The following DAB1 variants were observed in gnomAD, a reference collection of about 807,000 sequenced individuals.
DAB1 encodes the protein DAB adaptor protein 1.
Under a neutral mutation model 64.6 loss-of-function variants are expected in DAB1, and 15 were observed. The ratio of observed to expected loss-of-function variants is 0.23; its 90% CI spans 0.16 to 0.36. DAB1 has a LOEUF of 0.36. Ranked by LOEUF, DAB1 falls within the 10% of genes least tolerant of loss-of-function variation. The pLI, the probability that DAB1 is intolerant of heterozygous loss-of-function variation, is 1.00. For synonymous variants in DAB1, 235 were observed against 251.9 expected (o/e 0.93, Z 0.64); for missense variants, 596 against 706.7 (o/e 0.84, Z 1.78).
intron 4 of DAB1, among the ~76,000 whole-genome samples, chr1:58,308,990 T>C (rs1276845407): frequency 6.6e-6 from 1 of 152,170 alleles, no homozygotes; most frequent in Non-Finnish European, 1.5e-5. Flanking sequence ...AAGGATCTTG[T>C]GGTCCAATGA....
chr1:58,103,375 G>A (rs907613228), intron 5 of DAB1, among the ~76,000 whole-genome samples: 18 of 152,088 alleles, frequency 1.2e-4, no homozygotes, highest in African/African-American at 4.1e-4. Flanking sequence ...GGTTTTGTGG[G>A]CCATATACTC....
intron 5 of DAB1, among the ~76,000 whole-genome samples, chr1:57,903,228 C>G (rs971683372): frequency 3.9e-5 from 6 of 152,120 alleles, no homozygotes; most frequent in Non-Finnish European, 7.4e-5. Context: ...ACAGCCAAAC[C>G]CTATCAGCAT....
At chr1:57,401,370 CA>C (rs894883692) in intron 1 of DAB1, among the ~76,000 whole-genome samples, 1 of 152,084 alleles carries the variant, frequency 6.6e-6, no homozygotes, top group Non-Finnish European at 1.5e-5. Context: ...GTGCATAATT[CA>C]AAATACTTTC....
At chr1:58,533,303 A>G (rs918687946) in intron 1 of DAB1, among the ~76,000 whole-genome samples, 7 of 152,210 alleles carry the variant, frequency 4.6e-5, no homozygotes, top group Admixed American at 3.3e-4. Flanking sequence ...CAGAAGACCC[A>G]CGTTAAAGTC....
intron 3 of DAB1, among the ~76,000 whole-genome samples, chr1:58,451,043 A>C (rs1367670992): frequency 6.6e-6 from 1 of 152,246 alleles, no homozygotes; most frequent in African/African-American, 2.4e-5. Context: ...AAATCAGAGG[A>C]GACCAAGGAG....
At chr1:58,070,748 GA>G (rs1369895247) in intron 5 of DAB1, among the ~76,000 whole-genome samples, 1 of 152,178 alleles carries the variant, frequency 6.6e-6, no homozygotes, top group Non-Finnish European at 1.5e-5. Flanking sequence ...AAGGCCAATG[GA>G]GGCCCAGAAG....
At chr1:57,074,417 C>A (rs562613360) in intron 4 of DAB1, among the ~76,000 whole-genome samples, 1 of 152,184 alleles carries the variant, frequency 6.6e-6, no homozygotes, top group East Asian at 1.9e-4. Flanking sequence ...CTTCCCAAAT[C>A]CTTTTAAGCC....
At chr1:57,128,244 T>C (rs572178203) in intron 4 of DAB1, among the ~76,000 whole-genome samples, 1 of 151,922 alleles carries the variant, frequency 6.6e-6, no homozygotes, top group South Asian at 2.1e-4. Flanking sequence ...TATAAAACAC[T>C]CTACACTCAT....
In DAB1 at chr1:58,159,524, T is replaced by C. The variant is rs768831747; in HGVS notation, n.310-8936A>G. Among the ~76,000 whole-genome samples the C allele has an allele frequency of 1.2e-3, 180 of 152,276 alleles. 3 individuals are homozygous for C. Among genetic ancestry groups the C allele is most frequent in the Non-Finnish European group, 1.5e-3 (103 of 68,010 alleles). ...GCTGGAGCTATTCTATATGTTGATA[T>C]GGTGGTTATATGAGTGCATGCATAT... On this transcript the variant is annotated intron_variant and non_coding_transcript_variant, in intron 4 of 20. Coordinates refer to the DAB1 transcript ENST00000485760.
chr1:57,434,380 A>C (rs1685614960), intron 7 of DAB1, among the ~76,000 whole-genome samples: 1 of 152,226 alleles, frequency 6.6e-6, no homozygotes, highest in Non-Finnish European at 1.5e-5. Flanking sequence ...AAGACAAGTC[A>C]GACCCCAAAG....
At chr1:58,498,815 ATTCAT>A (rs1341191009) in intron 3 of DAB1, among the ~76,000 whole-genome samples, 3 of 152,168 alleles carry the variant, frequency 2.0e-5, no homozygotes, top group Admixed American at 2.0e-4. Flanking sequence ...TTATTCTTTA[ATTCAT>A]TTCATTTCCT....
intron 1 of DAB1, among the ~76,000 whole-genome samples, chr1:57,326,069 T>C (rs1477339094): frequency 1.3e-5 from 2 of 152,226 alleles, no homozygotes; most frequent in Non-Finnish European, 2.9e-5. Flanking sequence ...TTGCTAGGCA[T>C]AGACACGATG....
intron 3 of DAB1, among the ~76,000 whole-genome samples, chr1:58,428,062 G>A (rs1205224309): frequency 6.6e-6 from 1 of 152,194 alleles, no homozygotes; most frequent in Non-Finnish European, 1.5e-5. Context: ...AAGCATTTAA[G>A]CTGCCTTTCC....
At chr1:57,132,171 T>C (rs1657700353) in intron 4 of DAB1, among the ~76,000 whole-genome samples, 1 of 152,142 alleles carries the variant, frequency 6.6e-6, no homozygotes, top group Non-Finnish European at 1.5e-5. Flanking sequence ...GACAACTCTG[T>C]TCACACTTGT....
chr1:58,164,433 A>G (rs903043173), intron 4 of DAB1, among the ~76,000 whole-genome samples: 7 of 152,194 alleles, frequency 4.6e-5, no homozygotes, highest in Non-Finnish European at 8.8e-5. Context: ...CTTCAAAAAC[A>G]TCTCTCTGAT....
intron 2 of DAB1, among the ~76,000 whole-genome samples, chr1:57,150,851 A>AT (rs755573700): frequency 1.5e-4 from 23 of 152,088 alleles, no homozygotes; most frequent in Non-Finnish European, 2.4e-4. Flanking sequence ...CACCTTGGGA[A>AT]TTTTTTAAAA....
At chr1:57,814,779 A>G (rs574275030) in intron 6 of DAB1, among the ~76,000 whole-genome samples, 28 of 152,278 alleles carry the variant, frequency 1.8e-4, no homozygotes, top group African/African-American at 6.7e-4. Context: ...GTTTCCTTGA[A>G]GGACCACATG....
intron 5 of DAB1, among the ~76,000 whole-genome samples, chr1:58,072,282 G>A (rs568898536): frequency 1.4e-4 from 21 of 152,146 alleles, no homozygotes; most frequent in African/African-American, 5.1e-4. Context: ...TATTTATTTT[G>A]GGCCATTCAT....
At chr1:57,740,803 GAAGT>G (rs773796127) in intron 6 of DAB1, among the ~76,000 whole-genome samples, 36 of 152,326 alleles carry the variant, frequency 2.4e-4, no homozygotes, top group Non-Finnish European at 3.1e-4. Context: ...AACTGGCAGA[GAAGT>G]AAGAAATCTC....
Sources: gnomAD v4.1 joint callset for allele counts (sites outside exome capture counted in the v4.1 genomes callset) on GRCh38, gnomAD v4.1.1 for gene constraint, MANE v1.5 for transcripts, NCBI Gene and HGNC (gene_info 2026-07-23, HGNC 2026-07-21) for gene names.